The following LRRTM4 variants were observed in gnomAD, a reference collection of about 807,000 sequenced individuals.
LRRTM4 encodes the protein leucine rich repeat transmembrane neuronal 4.
LRRTM4 carries 25 observed loss-of-function variants against 47.6 expected under a neutral mutation model. That is an observed-to-expected ratio of 0.53 (90% CI 0.38 to 0.73). The LOEUF (loss-of-function observed/expected upper bound fraction) is 0.73. Among genes scored for constraint, LRRTM4 ranks in the 30% least tolerant of loss-of-function variants. The pLI is 0.00. For synonymous variants in LRRTM4, 311 were observed against 269.5 expected, an observed-to-expected ratio of 1.15 and a Z score of -1.51; for missense variants, 638 against 713.4, an observed-to-expected ratio of 0.89 and a Z score of 1.20.
intron 3 of LRRTM4, among the ~76,000 whole-genome samples, chr2:76,935,267 G>C (rs1674905649): frequency 6.6e-6 from 1 of 152,150 alleles, no homozygotes; most frequent in Admixed American, 6.5e-5. Flanking sequence ...TCGTAGTATA[G>C]TGTGAAGTCA....
intron 3 of LRRTM4, among the ~76,000 whole-genome samples, chr2:76,990,121 C>T (rs562579046): frequency 1.3e-5 from 2 of 151,744 alleles, no homozygotes; most frequent in Non-Finnish European, 2.9e-5. Context: ...GAAAATTTCT[C>T]AGGGTTGTTT....
At chr2:77,350,500 T>C (rs999586736) in intron 3 of LRRTM4, among the ~76,000 whole-genome samples, 3 of 152,122 alleles carry the variant, frequency 2.0e-5, no homozygotes, top group African/African-American at 2.4e-5. Flanking sequence ...TAGTCCAGTG[T>C]TAAGGTATAA....
At chr2:76,940,186 A>G (rs1675087878) in intron 3 of LRRTM4, among the ~76,000 whole-genome samples, 2 of 152,182 alleles carry the variant, frequency 1.3e-5, no homozygotes, top group African/African-American at 4.8e-5. Context: ...AGACACATAC[A>G]TATGTATGTT....
At chr2:76,782,334 A>G (rs1674444458) in intron 3 of LRRTM4, among the ~76,000 whole-genome samples, 1 of 152,162 alleles carries the variant, frequency 6.6e-6, no homozygotes, top group Non-Finnish European at 1.5e-5. Context: ...ATATCAAGCA[A>G]TTCAGCTTTT....
At chr2:76,806,523 A>C (rs1038092849) in intron 3 of LRRTM4, among the ~76,000 whole-genome samples, 1 of 152,156 alleles carries the variant, frequency 6.6e-6, no homozygotes, top group African/African-American at 2.4e-5. Context: ...GGAGGTTGCA[A>C]TGAGCCAAGA....
intron 3 of LRRTM4, among the ~76,000 whole-genome samples, chr2:77,410,445 A>G (rs1394670679): frequency 6.6e-6 from 1 of 152,150 alleles, no homozygotes; most frequent in Non-Finnish European, 1.5e-5. Context: ...TCCCTATTAA[A>G]TTGAAATTGC....
chr2:77,106,471 T>G (rs1475494456), intron 3 of LRRTM4, among the ~76,000 whole-genome samples: 1 of 152,130 alleles, frequency 6.6e-6, no homozygotes, highest in Non-Finnish European at 1.5e-5. Flanking sequence ...CTGCACTTAC[T>G]TTTTATCCTG....
intron 3 of LRRTM4, among the ~76,000 whole-genome samples, chr2:76,766,336 C>A (rs1278481408): frequency 6.6e-6 from 1 of 152,152 alleles, no homozygotes. Context: ...CTCATGGTAT[C>A]CAACTGGGGA....
At chr2:77,521,937 C>T in intron 1 of LRRTM4, 119 bp from the exon 2 acceptor site, 2 of 547,708 alleles carry the variant, frequency 3.7e-6, no homozygotes, top group Non-Finnish European at 6.5e-6. Context: ...GAAAAGGAAG[C>T]CGTTGGGGGG....
chr2:77,296,174 T>C (rs76666367), intron 3 of LRRTM4, among the ~76,000 whole-genome samples: 5,400 of 152,300 alleles, frequency 0.035, 323 homozygotes, highest in African/African-American at 0.12. Context: ...TGGCAACTTG[T>C]AGATACGATA....
At chr2:77,273,472 G>A (rs921098393) in intron 3 of LRRTM4, among the ~76,000 whole-genome samples, 5 of 152,184 alleles carry the variant, frequency 3.3e-5, no homozygotes, top group Admixed American at 2.0e-4. Context: ...AAGAGTATAA[G>A]CTAATAGTCA....
intron 3 of LRRTM4, among the ~76,000 whole-genome samples, chr2:76,862,272 C>G (rs1672335827): frequency 6.6e-6 from 1 of 152,050 alleles, no homozygotes; most frequent in Non-Finnish European, 1.5e-5. Context: ...GTGCATAGTT[C>G]CTCTCAGGTG....
At chr2:77,128,320 T>C (rs1278743037) in intron 3 of LRRTM4, among the ~76,000 whole-genome samples, 3 of 152,152 alleles carry the variant, frequency 2.0e-5, no homozygotes. Context: ...GACTGTTTTC[T>C]TTACTTGGAA....
At chr2:77,217,317 A>G (rs1426275372) in intron 3 of LRRTM4, among the ~76,000 whole-genome samples, 1 of 145,126 alleles carries the variant, frequency 6.9e-6, no homozygotes, top group Non-Finnish European at 1.5e-5. Context: ...AATAATACCT[A>G]CTTGGCTTGT....
chr2:77,145,175 T>C (rs1190377284), intron 3 of LRRTM4, among the ~76,000 whole-genome samples: 1 of 151,152 alleles, frequency 6.6e-6, no homozygotes, highest in Non-Finnish European at 1.5e-5. Context: ...ACTCCAAAAG[T>C]AAAGGGTAGA....
At chr2:76,839,594 C>G (rs1266791926) in intron 3 of LRRTM4, among the ~76,000 whole-genome samples, 1 of 151,990 alleles carries the variant, frequency 6.6e-6, no homozygotes, top group African/African-American at 2.4e-5. Context: ...ATCTATCATT[C>G]TTGTATGCTG....
At position 76,788,500 on chromosome 2, in the gene LRRTM4, C is replaced by G. The variant is rs912439465; in HGVS notation, c.1552-39584G>C. Among the ~76,000 whole-genome samples the G allele has an allele frequency of 2.6e-5, 4 of 151,802 alleles. No homozygotes were observed. In the South Asian group the frequency reaches 6.2e-4, roughly 24 times the overall value. On this transcript the variant is annotated intron_variant, in intron 3 of 3. Coordinates refer to ENST00000409884, the MANE Select transcript of LRRTM4 (RefSeq NM_001134745.3). ...GTCAGCAAAGATACAGAGTGTAATG[C>G]TCTCTATTTAACCTGTGTAGACTTA...
chr2:77,175,785 C>T (rs757468900), intron 3 of LRRTM4, among the ~76,000 whole-genome samples: 1 of 150,380 alleles, frequency 6.6e-6, no homozygotes, highest in South Asian at 2.1e-4. Flanking sequence ...CACCCCCACA[C>T]CCGATGTTGG....
At chr2:77,051,036 A>C (rs148276453) in intron 3 of LRRTM4, among the ~76,000 whole-genome samples, 1,972 of 146,092 alleles carry the variant, frequency 0.013, 47 homozygotes, top group African/African-American at 0.047. Context: ...TTTAAAATAG[A>C]TAACACTAAG....
Sources: gnomAD v4.1 joint callset for allele counts (sites outside exome capture counted in the v4.1 genomes callset) on GRCh38, gnomAD v4.1.1 for gene constraint, MANE v1.5 for transcripts, NCBI Gene and HGNC (gene_info 2026-07-23, HGNC 2026-07-21) for gene names.